Variants in SLC35D4 observed in about 807,000 individuals in gnomAD.
SLC35D4 encodes UDP-N-acetylglucosamine transporter SLC35D4.
At chr18:23,363,568 G>T in the SLC35D4 span, among the ~76,000 whole-genome samples, 1 of 151,104 alleles carries the variant, frequency 6.6e-6, no homozygotes, top group Non-Finnish European at 1.5e-5. Context: ...TAGAGACGGG[G>T]TTTCACCGTG....
the SLC35D4 span, among the ~76,000 whole-genome samples, chr18:23,327,955 C>T: frequency 3.3e-5 from 5 of 152,232 alleles, no homozygotes; most frequent in Non-Finnish European, 7.3e-5. Context: ...ACAAAAACCA[C>T]ATGATTATCT....
At chr18:23,266,929 G>T in the SLC35D4 span, among the ~76,000 whole-genome samples, 2 of 152,222 alleles carry the variant, frequency 1.3e-5, no homozygotes, top group Admixed American at 1.3e-4. Flanking sequence ...TCGCTGATGA[G>T]GGGCTGGTGG....
the SLC35D4 span, among the ~76,000 whole-genome samples, chr18:23,349,412 C>A: frequency 6.6e-6 from 1 of 152,188 alleles, no homozygotes; most frequent in Non-Finnish European, 1.5e-5. Context: ...GCAGGTGGAT[C>A]ACGAGGTCAG....
chr18:23,316,139 A>T, the SLC35D4 span, among the ~76,000 whole-genome samples: 1 of 152,216 alleles, frequency 6.6e-6, no homozygotes, highest in Non-Finnish European at 1.5e-5. Context: ...AACTCCAGCC[A>T]CAAGGCTCCA....
At chr18:23,360,637 T>C in the SLC35D4 span, among the ~76,000 whole-genome samples, 1 of 152,198 alleles carries the variant, frequency 6.6e-6, no homozygotes, top group Non-Finnish European at 1.5e-5. Context: ...ACTAGGAAGC[T>C]TTCTGCAGTG....
the SLC35D4 span, chr18:23,352,407 CTG>C: frequency 1.4e-6 from 1 of 709,816 alleles, no homozygotes; most frequent in Non-Finnish European, 2.2e-6. Flanking sequence ...TCTACCTCAT[CTG>C]TGTTTTCTAG....
chr18:23,416,357 T>C, the SLC35D4 span, among the ~76,000 whole-genome samples: 7 of 152,162 alleles, frequency 4.6e-5, no homozygotes, highest in African/African-American at 1.4e-4. Flanking sequence ...CCCCACCCCA[T>C]AGTAACCTCT....
chr18:23,293,108 G>T, the SLC35D4 span, among the ~76,000 whole-genome samples: 1 of 152,216 alleles, frequency 6.6e-6, no homozygotes, highest in African/African-American at 2.4e-5. Flanking sequence ...GCCAGGCTTG[G>T]TGGTGCATGC....
chr18:23,405,176 A>C, the SLC35D4 span, among the ~76,000 whole-genome samples: 644 of 151,752 alleles, frequency 4.2e-3, 2 homozygotes, highest in African/African-American at 0.015. Flanking sequence ...GTGATAAATA[A>C]ATTTCTGTTG....
the SLC35D4 span, among the ~76,000 whole-genome samples, chr18:23,256,186 G>A: frequency 1.3e-5 from 2 of 152,216 alleles, no homozygotes; most frequent in Non-Finnish European, 2.9e-5. Flanking sequence ...GACAAAAGCT[G>A]GGTTGACGCC....
chr18:23,391,837 C>A, the SLC35D4 span, among the ~76,000 whole-genome samples: 1 of 151,912 alleles, frequency 6.6e-6, no homozygotes, highest in African/African-American at 2.4e-5. Flanking sequence ...GAATTCAGAC[C>A]CAATTGTAAT....
the SLC35D4 span, among the ~76,000 whole-genome samples, chr18:23,377,424 A>C: frequency 2.0e-5 from 3 of 152,348 alleles, no homozygotes; most frequent in South Asian, 4.1e-4. Flanking sequence ...GAAATCTAGC[A>C]CAGGTTGGTT....
At chr18:23,410,150 T>C in the SLC35D4 span, among the ~76,000 whole-genome samples, 2 of 152,178 alleles carry the variant, frequency 1.3e-5, no homozygotes, top group Non-Finnish European at 2.9e-5. Context: ...TTGCGATATG[T>C]AGGATAAATT....
chr18:23,411,880 A>C, the SLC35D4 span, among the ~76,000 whole-genome samples: 1 of 152,244 alleles, frequency 6.6e-6, no homozygotes, highest in African/African-American at 2.4e-5. Flanking sequence ...TAGAGCATGC[A>C]TTATTGAGAG....
the SLC35D4 span, among the ~76,000 whole-genome samples, chr18:23,333,263 C>T: frequency 6.6e-6 from 1 of 152,156 alleles, no homozygotes; most frequent in African/African-American, 2.4e-5. Flanking sequence ...GGGTGGTTCA[C>T]ACAGCAATAG....
the SLC35D4 span, among the ~76,000 whole-genome samples, chr18:23,345,859 T>G: frequency 6.6e-6 from 1 of 152,200 alleles, no homozygotes. Context: ...TAGTTTTCAA[T>G]GTATAAATGT....
At chr18:23,255,943 C>T in the SLC35D4 span, among the ~76,000 whole-genome samples, 1 of 152,088 alleles carries the variant, frequency 6.6e-6, no homozygotes, top group Non-Finnish European at 1.5e-5. Context: ...GAGCAATATA[C>T]CACACAGCAA....
At chr18:23,330,380 T>C in the SLC35D4 span, among the ~76,000 whole-genome samples, 1 of 152,230 alleles carries the variant, frequency 6.6e-6, no homozygotes, top group Non-Finnish European at 1.5e-5. Flanking sequence ...ATTAGCCTTT[T>C]GAACTTTTTA....
At chr18:23,394,497 T>G in the SLC35D4 span, among the ~76,000 whole-genome samples, 16 of 152,222 alleles carry the variant, frequency 1.1e-4, 1 homozygote, top group Admixed American at 7.2e-4. Flanking sequence ...TTCCTCCCTT[T>G]CTGGGGGTTG....
Sources: gnomAD v4.1 joint callset for allele counts (sites outside exome capture counted in the v4.1 genomes callset) on GRCh38, gnomAD v4.1.1 for gene constraint, MANE v1.5 for transcripts, NCBI Gene and HGNC (gene_info 2026-07-23, HGNC 2026-07-21) for gene names.